The following ZHX2 variants were observed in gnomAD, a reference collection of about 807,000 sequenced individuals.
ZHX2 encodes zinc fingers and homeoboxes protein 2.
Under a neutral mutation model 21.9 loss-of-function variants are expected in ZHX2, and 6 were observed. That is an observed-to-expected ratio of 0.27 (90% confidence interval 0.15 to 0.54). The LOEUF is 0.54. ZHX2 is among the 20% of genes least tolerant of loss of function. The pLI is 0.95. For synonymous variants in ZHX2, 434 were observed against 437.1 expected (o/e 0.99, Z 0.09); for missense variants, 908 against 1,090.7 (o/e 0.83, Z 2.36).
At chr8:122,858,078 G>A (rs1028164838) in intron 1 of ZHX2, among the ~76,000 whole-genome samples, 76 of 152,212 alleles carry the variant, frequency 5.0e-4, no homozygotes, top group African/African-American at 1.6e-3. Flanking sequence ...GTGGAGTGAG[G>A]GCCGAGCTCG....
rs1817315861 is a variant in ZHX2 at position 122,782,684 on chromosome 8, C to A, written c.-283+738C>A. Among the ~76,000 whole-genome samples the A allele has an allele frequency of 6.6e-6, 1 of 152,030 alleles. No homozygotes were observed. The highest frequency in any genetic ancestry group is 2.4e-5 in the African/African-American group (1 of 41,428). ...ACCTGGCGGGGGCAGGGCCGGAGCG[C>A]GGCGCTGTCCTCACCCCCGCTCAGG... On this transcript the variant is annotated intron_variant, in intron 1 of 3. Transcript: ENST00000314393. This position sits in a 1 kb window ranked among gnomAD's most constrained non-coding sequence, Gnocchi z 5.3.
chr8:122,789,421 T>C (rs1469353924), intron 1 of ZHX2, among the ~76,000 whole-genome samples: 1 of 152,224 alleles, frequency 6.6e-6, no homozygotes, highest in African/African-American at 2.4e-5. Flanking sequence ...CCCAGGGATC[T>C]CCATAGCCTG....
chr8:122,939,872 G>T lies in ZHX2; in HGVS notation c.-219-11420G>T, dbSNP rs962919571. On this transcript the variant is annotated intron_variant, in intron 2 of 3. Coordinates refer to ENST00000314393, the MANE Select transcript of ZHX2 (RefSeq NM_014943.5). ...GTAGAGGAAAACGGGGTCTGATGGGGAGGAGGGGTGGAGCAGTCCTTCTGA... is the reference window on the plus strand; with the variant it reads ...GTAGAGGAAAACGGGGTCTGATGGGTAGGAGGGGTGGAGCAGTCCTTCTGA... 2.6e-5 allele frequency among the ~76,000 whole-genome samples: 4 copies of T among 152,174 alleles called. No homozygotes were observed. In the South Asian group the frequency reaches 8.3e-4, roughly 31 times the overall value.
intron 1 of ZHX2, among the ~76,000 whole-genome samples, chr8:122,859,616 G>C (rs1029393391): frequency 6.6e-6 from 1 of 152,200 alleles, no homozygotes; most frequent in African/African-American, 2.4e-5. Flanking sequence ...AGTGGGGAGA[G>C]ATGAGCAGGC....
chr8:122,800,101 C>T (rs1187146007), intron 1 of ZHX2, among the ~76,000 whole-genome samples: 1 of 152,202 alleles, frequency 6.6e-6, no homozygotes, highest in Non-Finnish European at 1.5e-5. Flanking sequence ...AGTGATCTGC[C>T]TGCCTCAGCC....
chr8:122,891,759 G>C (rs1311808006), intron 2 of ZHX2, among the ~76,000 whole-genome samples: 1 of 152,090 alleles, frequency 6.6e-6, no homozygotes, highest in Non-Finnish European at 1.5e-5. Context: ...TTGATTTCTA[G>C]TTTTATTCCA....
intron 2 of ZHX2, among the ~76,000 whole-genome samples, chr8:122,924,675 G>T (rs951908335): frequency 6.6e-6 from 1 of 152,120 alleles, no homozygotes; most frequent in African/African-American, 2.4e-5. Context: ...TAGTCTCAGT[G>T]CCCAGAACAA....
intron 1 of ZHX2, among the ~76,000 whole-genome samples, chr8:122,839,893 T>C (rs532963748): frequency 6.6e-6 from 1 of 152,344 alleles, no homozygotes; most frequent in South Asian, 2.1e-4. Flanking sequence ...TGGACATTGA[T>C]GGGACCCTCT....
chr8:122,861,907 C>T (rs530180622), intron 1 of ZHX2, among the ~76,000 whole-genome samples: 3 of 152,222 alleles, frequency 2.0e-5, no homozygotes, highest in South Asian at 2.1e-4. Flanking sequence ...TCTCCTGGGG[C>T]GCCTCCTCCC....
upstream of ZHX2, chr8:122,781,182 G>A (rs1206763675): frequency 6.6e-6 from 1 of 152,234 alleles, no homozygotes; most frequent in Non-Finnish European, 1.5e-5. This position sits in a 1 kb window ranked among gnomAD's most constrained non-coding sequence, Gnocchi z 4.6. Context: ...CACGCAAAGG[G>A]TCCCGGGGCC....
rs547293778 is a variant in ZHX2, at chr8:122,821,066, G to A, written c.-283+39120G>A. ...AGAAAGGAAGGAGTGTGCAGCCCTC[G>A]CCATGGAAAGCCACACAGCCGTTCA... is the stretch of plus-strand genomic sequence containing the variant. On this transcript the variant is annotated intron_variant, in intron 1 of 3. Transcript: ENST00000314393. Among the ~76,000 whole-genome samples the A allele has an allele frequency of 6.6e-5, 10 of 152,224 alleles. No homozygotes were observed. The East Asian group carries it at 1.2e-3, about 18-fold the overall frequency.
intron 2 of ZHX2, among the ~76,000 whole-genome samples, chr8:122,907,541 T>G (rs1467465494): frequency 6.6e-6 from 1 of 152,184 alleles, no homozygotes; most frequent in Non-Finnish European, 1.5e-5. Flanking sequence ...TGAGTTTTCC[T>G]TAGTGATTTG....
At chr8:122,843,944 TTTTG>T (rs1818694326) in intron 1 of ZHX2, among the ~76,000 whole-genome samples, 1 of 140,448 alleles carries the variant, frequency 7.1e-6, no homozygotes, top group Non-Finnish European at 1.5e-5. Context: ...ACACTTCGCT[TTTTG>T]TTCTCACCCT....
chr8:122,815,276 G>C (rs1343383894), intron 1 of ZHX2: 1 of 152,236 alleles, frequency 6.6e-6, no homozygotes, highest in Non-Finnish European at 1.5e-5. Context: ...GTGATACTTT[G>C]ATGGGCCCAG....
chr8:122,888,243 T>A (rs1429038234), intron 2 of ZHX2, among the ~76,000 whole-genome samples: 3 of 131,676 alleles, frequency 2.3e-5, no homozygotes, highest in African/African-American at 3.7e-5. Context: ...CGGCCCTTGA[T>A]TTTTTTTTTT....
At chr8:122,859,750 C>T (rs1046860634) in intron 1 of ZHX2, among the ~76,000 whole-genome samples, 1 of 152,148 alleles carries the variant, frequency 6.6e-6, no homozygotes, top group Non-Finnish European at 1.5e-5. Flanking sequence ...CCTTCTCCCA[C>T]TCAGTCTATT....
At chr8:122,970,974 T>C (rs1813706082) in intron 3 of ZHX2, among the ~76,000 whole-genome samples, 1 of 152,212 alleles carries the variant, frequency 6.6e-6, no homozygotes, top group South Asian at 2.1e-4. Context: ...GGAGGAGCAA[T>C]TAAGAATCAG....
intron 2 of ZHX2, among the ~76,000 whole-genome samples, chr8:122,879,506 GT>G (rs150176374): frequency 0.32 from 46,510 of 144,894 alleles, 10,353 homozygotes; most frequent in African/African-American, 0.65. Flanking sequence ...CACCGGGCTG[GT>G]TTTTTTTTTT....
chr8:122,878,358 G>T (rs187286675), intron 2 of ZHX2, among the ~76,000 whole-genome samples: 21 of 152,278 alleles, frequency 1.4e-4, no homozygotes, highest in Admixed American at 1.2e-3. Context: ...CTCAGTTTGG[G>T]TTGGGCCTGC....
Sources: gnomAD v4.1 joint callset for allele counts (sites outside exome capture counted in the v4.1 genomes callset) on GRCh38, gnomAD v4.1.1 for gene constraint, Gnocchi (gnomAD v3.1) non-coding constraint, MANE v1.5 for transcripts, NCBI Gene and HGNC (gene_info 2026-07-23, HGNC 2026-07-21) for gene names.